ANTXR2: variants seen among roughly 807,000 people sequenced by gnomAD.
The protein encoded by ANTXR2 is ANTXR cell adhesion molecule 2.
ANTXR2 carries 44 observed loss-of-function variants against 73.7 expected under a neutral mutation model. The observed-to-expected ratio is 0.60, with a 90% CI of 0.47 to 0.77. The LOEUF is 0.77. Among genes scored for constraint, ANTXR2 ranks in the 30% least tolerant of loss-of-function variants. ANTXR2 has a pLI of 0.00. For synonymous variants in ANTXR2, 217 were observed against 205.9 expected, an observed-to-expected ratio of 1.05 and a Z score of -0.46; for missense variants, 604 against 592.5, an observed-to-expected ratio of 1.02 and a Z score of -0.20.
intron 7 of ANTXR2, among the ~76,000 whole-genome samples, chr4:80,046,995 A>G (rs925374634): frequency 3.3e-5 from 5 of 151,802 alleles, no homozygotes; most frequent in Non-Finnish European, 5.9e-5. Flanking sequence ...ACTCAATTAA[A>G]TCTGCTTTTA....
chr4:80,026,870 G>A (rs1252355749), intron 10 of ANTXR2, among the ~76,000 whole-genome samples: 1 of 152,034 alleles, frequency 6.6e-6, no homozygotes, highest in East Asian at 1.9e-4. Context: ...CCCTCCAGGT[G>A]TTCATGTGTT....
At chr4:80,006,935 CT>C (rs1731329495) in intron 12 of ANTXR2, among the ~76,000 whole-genome samples, 1 of 152,008 alleles carries the variant, frequency 6.6e-6, no homozygotes, top group African/African-American at 2.4e-5. Context: ...CATCTTTTTG[CT>C]TTTTAATGTG....
intron 12 of ANTXR2, among the ~76,000 whole-genome samples, chr4:80,002,223 C>T (rs1415184037): frequency 2.6e-5 from 4 of 151,982 alleles, no homozygotes; most frequent in East Asian, 1.9e-4. Context: ...TATAGATAAA[C>T]GGAACAGAAC....
intron 3 of ANTXR2, among the ~76,000 whole-genome samples, chr4:80,068,659 C>T (rs1456380262): frequency 6.6e-6 from 1 of 152,156 alleles, no homozygotes; most frequent in Admixed American, 6.5e-5. Flanking sequence ...ATAATCCCAG[C>T]TACTCGGGAG....
chr4:80,008,424 C>T (rs1731411157), intron 12 of ANTXR2, 97 bp downstream of exon 12: 1 of 906,014 alleles, frequency 1.1e-6, no homozygotes, highest in Non-Finnish European at 1.6e-6. Context: ...CAAACTGAAA[C>T]TTTGCTGTTA....
At chr4:79,950,989 C>G (rs1728680516) in intron 16 of ANTXR2, among the ~76,000 whole-genome samples, 2 of 152,070 alleles carry the variant, frequency 1.3e-5, no homozygotes, top group Admixed American at 6.6e-5. Context: ...CTCATGGGGG[C>G]CCTAACAAGG....
At chr4:79,912,558 G>C (rs1299132944) in intron 16 of ANTXR2, among the ~76,000 whole-genome samples, 1 of 152,016 alleles carries the variant, frequency 6.6e-6, no homozygotes, top group Non-Finnish European at 1.5e-5. Context: ...GGCAAGAAAA[G>C]AACTCTTGTG....
intron 16 of ANTXR2, among the ~76,000 whole-genome samples, chr4:79,961,428 TTTTTTTAATTATTGTTA>T (rs1729137482): frequency 6.6e-6 from 1 of 152,026 alleles, no homozygotes; most frequent in Non-Finnish European, 1.5e-5. Context: ...GAAAGTATTC[TTTTTTTAATTATTGTTA>T]TTTTTTTAAG....
At chr4:80,037,401 GA>G (rs1467806619) in intron 7 of ANTXR2, among the ~76,000 whole-genome samples, 4 of 152,146 alleles carry the variant, frequency 2.6e-5, no homozygotes, top group Non-Finnish European at 5.9e-5. Flanking sequence ...TCTCTGAAAA[GA>G]GGGAAAATTT....
At chr4:79,946,427 C>A (rs1728515819) in intron 16 of ANTXR2, among the ~76,000 whole-genome samples, 3 of 152,164 alleles carry the variant, frequency 2.0e-5, no homozygotes. Flanking sequence ...AGGTCTCAGC[C>A]AATCCCGGGT....
intron 10 of ANTXR2, among the ~76,000 whole-genome samples, chr4:80,030,575 T>C (rs1164888135): frequency 1.3e-5 from 2 of 152,074 alleles, no homozygotes; most frequent in African/African-American, 4.8e-5. Context: ...TTGTAAGCCA[T>C]CTTGTGCAGC....
intron 12 of ANTXR2, among the ~76,000 whole-genome samples, chr4:79,986,446 CTG>C (rs1197110024): frequency 7.2e-5 from 11 of 152,176 alleles, no homozygotes; most frequent in African/African-American, 2.7e-4. Context: ...TATTTAAAGA[CTG>C]TTTGTCTTTT....
At chr4:80,061,281 C>CCT (rs961050143) in intron 3 of ANTXR2, among the ~76,000 whole-genome samples, 7 of 97,652 alleles carry the variant, frequency 7.2e-5, no homozygotes, top group African/African-American at 2.4e-4. Context: ...TGTGTGTGTG[C>CCT]CTCTGTGTGT....
chr4:79,999,888 A>C (rs1730937060), intron 12 of ANTXR2, among the ~76,000 whole-genome samples: 1 of 151,818 alleles, frequency 6.6e-6, no homozygotes, highest in Non-Finnish European at 1.5e-5. Context: ...ATGTCACTGC[A>C]CTCCAGCCTG....
rs142919421 is a variant in ANTXR2 at position 79,984,733 on chromosome 4, A to G, written c.1086+86T>C. ...CAGTACATAGGTATCATAGTTATCT[A>G]ACAGACAAAATTGATTAAATTTGGG... On this transcript the variant is annotated intron_variant, in intron 13 of 16. Transcript: ENST00000403729. The G allele has an allele frequency of 3.7e-4, 440 of 1,173,862 alleles. 1 individual carries two copies. The African/African-American group carries it at 6.2e-3, about 16-fold the overall frequency. The allele number at this position is 1,173,862 out of a possible 1,614,324, so 72.7% of individuals were successfully genotyped here.
chr4:79,919,270 C>T (rs755294713), intron 16 of ANTXR2, among the ~76,000 whole-genome samples: 3 of 152,124 alleles, frequency 2.0e-5, no homozygotes, highest in African/African-American at 4.8e-5. Flanking sequence ...AGAATATGAA[C>T]GAAGGATAAA....
chr4:80,060,413 C>A (rs78143482), intron 3 of ANTXR2, among the ~76,000 whole-genome samples: 2 of 152,226 alleles, frequency 1.3e-5, no homozygotes, highest in East Asian at 1.9e-4. Context: ...TATTGGAATG[C>A]GTTTTGAATT....
At chr4:79,930,267 TAAGA>T (rs1389181375) in intron 16 of ANTXR2, among the ~76,000 whole-genome samples, 1 of 152,126 alleles carries the variant, frequency 6.6e-6, no homozygotes, top group African/African-American at 2.4e-5. Flanking sequence ...AAGATGAATA[TAAGA>T]TATATTAGGA....
chr4:80,062,616 T>C (rs962722374), intron 3 of ANTXR2, among the ~76,000 whole-genome samples: 1 of 152,088 alleles, frequency 6.6e-6, no homozygotes, highest in Non-Finnish European at 1.5e-5. Context: ...CCTAATGGAA[T>C]TTTTTTTAGC....
Sources: allele counts gnomAD v4.1 joint callset (sites outside exome capture counted in the v4.1 genomes callset), GRCh38; gene constraint gnomAD v4.1.1; transcripts MANE v1.5; gene names NCBI Gene and HGNC (gene_info 2026-07-23, HGNC 2026-07-21).